RASGEF1C: variants seen among roughly 807,000 people sequenced by gnomAD.
The protein encoded by RASGEF1C is RasGEF domain family member 1C.
In RASGEF1C, 27 loss-of-function variants were observed where a neutral mutation model predicts 58.1. The observed-to-expected ratio is 0.46, with a 90% CI of 0.34 to 0.64. The LOEUF (loss-of-function observed/expected upper bound fraction) is 0.64. RASGEF1C is among the 30% of genes least tolerant of loss of function. The pLI, the probability that RASGEF1C is intolerant of heterozygous loss-of-function variation, is 0.01. For synonymous variants in RASGEF1C, 243 were observed against 246.3 expected (o/e 0.99, Z 0.13); for missense variants, 502 against 605.1 (o/e 0.83, Z 1.79).
At chr5:180,202,713 T>A (rs963624285) in intron 1 of RASGEF1C, among the ~76,000 whole-genome samples, 2 of 151,754 alleles carry the variant, frequency 1.3e-5, no homozygotes, top group Non-Finnish European at 2.9e-5. Flanking sequence ...TTTCTTTTTT[T>A]TTTTTTTTTG....
intron 1 of RASGEF1C, among the ~76,000 whole-genome samples, chr5:180,160,858 C>T (rs1331728447): frequency 6.6e-6 from 1 of 152,082 alleles, no homozygotes; most frequent in Non-Finnish European, 1.5e-5. Context: ...CACTTTCCTC[C>T]GAATGCTGAT....
intron 1 of RASGEF1C, among the ~76,000 whole-genome samples, chr5:180,201,350 T>C (rs188444525): frequency 6.6e-6 from 1 of 152,050 alleles, no homozygotes; most frequent in Non-Finnish European, 1.5e-5. Context: ...GAAGCAAAAG[T>C]GAATATTGTA....
chr5:180,205,240 T>TAACA (rs921274253), intron 1 of RASGEF1C, among the ~76,000 whole-genome samples: 1 of 151,472 alleles, frequency 6.6e-6, no homozygotes, highest in African/African-American at 2.4e-5. Context: ...ACAATAAAAC[T>TAACA]AACAATAAAA....
Position 180,130,982 on chromosome 5 carries a change from G to A in RASGEF1C, c.439-2372C>T, listed in dbSNP as rs535897440. Among the ~76,000 whole-genome samples the A allele has an allele frequency of 4.6e-5, 7 of 151,372 alleles. 1 individual carries two copies. The South Asian group carries it at 6.3e-4, about 14-fold the overall frequency. The stretch of plus-strand genomic sequence containing the variant: ...CAGGCTTGGTGCCATCCTCGACCCC[G>A]CCCTCTCCCTCATGCCCCTCTAGGC... On this transcript the variant is annotated intron_variant, in intron 4 of 13. Coordinates refer to ENST00000361132, the MANE Select transcript of RASGEF1C (RefSeq NM_175062.4).
At chr5:180,151,584 C>G (rs4700884) in intron 1 of RASGEF1C, among the ~76,000 whole-genome samples, 138,597 of 151,116 alleles carry the variant, frequency 0.92, 64,755 homozygotes, top group East Asian at 1. Context: ...GGATTAAAGA[C>G]TTAAATGTTA....
At chr5:180,207,410 C>A (rs1756507588) in intron 1 of RASGEF1C, among the ~76,000 whole-genome samples, 1 of 152,268 alleles carries the variant, frequency 6.6e-6, no homozygotes, top group African/African-American at 2.4e-5. Context: ...GGGTCCCACG[C>A]AAGGAACCAA....
intron 6 of RASGEF1C, among the ~76,000 whole-genome samples, chr5:180,126,489 G>T (rs193161456): frequency 6.6e-6 from 1 of 152,290 alleles, no homozygotes; most frequent in East Asian, 1.9e-4. Context: ...AGCATTCCTA[G>T]AGAGTGCTGA....
rs1766163224 is a variant in RASGEF1C, at chr5:180,121,277, C to G, written c.715-128G>C. The G allele has an allele frequency of 6.0e-6, 4 of 665,324 alleles. No individual in the cohort carries two copies. In the Admixed American group the frequency reaches 9.8e-5, roughly 16 times the overall value. 41.2% of individuals were successfully genotyped at this position (665,324 alleles called of 1,614,324 possible). A position where few individuals can be genotyped will look rare whatever the true frequency, so the allele number is the denominator to read the frequency against. Reference sequence around the variant, plus strand: ...AAACCCCCAAACCATCCAGAAATACCAAAGATTTGGTATGTACGCTTTCAG... The same window carrying G: ...AAACCCCCAAACCATCCAGAAATACGAAAGATTTGGTATGTACGCTTTCAG... On this transcript the variant is annotated intron_variant, in intron 6 of 13. Transcript: ENST00000361132.
At chr5:180,189,079 A>C (rs1355977757) in intron 1 of RASGEF1C, among the ~76,000 whole-genome samples, 3 of 152,240 alleles carry the variant, frequency 2.0e-5, no homozygotes, top group Non-Finnish European at 4.4e-5. Context: ...ACTATAATCA[A>C]TAGGTGATTC....
chr5:180,136,342 G>C (rs1051296903), intron 4 of RASGEF1C, 36 bp downstream of exon 4: 153 of 1,539,548 alleles, frequency 9.9e-5, no homozygotes, highest in Non-Finnish European at 1.3e-4. Flanking sequence ...GGACGGGAGG[G>C]ACCCAGGGTG....
At chr5:180,180,238 C>G (rs926198027) in intron 1 of RASGEF1C, among the ~76,000 whole-genome samples, 1 of 152,200 alleles carries the variant, frequency 6.6e-6, no homozygotes, top group Non-Finnish European at 1.5e-5. Context: ...TGCTTGAGTT[C>G]GACAAAGAGC....
At chr5:180,160,828 G>A (rs1010792223) in intron 1 of RASGEF1C, among the ~76,000 whole-genome samples, 6 of 152,092 alleles carry the variant, frequency 3.9e-5, no homozygotes, top group Admixed American at 2.6e-4. Flanking sequence ...TCATAAATGC[G>A]TCCTACAAGT....
At chr5:180,142,187 C>T (rs1172679591) in intron 1 of RASGEF1C, among the ~76,000 whole-genome samples, 1 of 152,028 alleles carries the variant, frequency 6.6e-6, no homozygotes, top group Non-Finnish European at 1.5e-5. Context: ...TCCATTTCTC[C>T]CTCTGTCTGC....
At chr5:180,126,677 A>T (rs548041846) in intron 6 of RASGEF1C, among the ~76,000 whole-genome samples, 1 of 152,302 alleles carries the variant, frequency 6.6e-6, no homozygotes, top group East Asian at 1.9e-4. Flanking sequence ...TTCTAGTTAT[A>T]GACGTTTCAT....
chr5:180,187,895 G>A (rs929587649), intron 1 of RASGEF1C, among the ~76,000 whole-genome samples: 2 of 152,176 alleles, frequency 1.3e-5, no homozygotes, highest in East Asian at 3.8e-4. Flanking sequence ...GTGTGTTGCT[G>A]GTGGGAATGT....
intron 1 of RASGEF1C, among the ~76,000 whole-genome samples, chr5:180,204,630 C>A (rs904084359): frequency 6.0e-5 from 9 of 151,248 alleles, no homozygotes; most frequent in Admixed American, 4.6e-4. Context: ...ATCTATCTAT[C>A]TATCTATCTA....
rs1030968847 is a variant in RASGEF1C at position 180,116,890 on chromosome 5, G to A, written c.1083+1719C>T. Reference sequence around the variant, plus strand: ...CACGAGCTTCAGAGCCAGACAGGCTGGAGTGTGATCCTGGCTCCGCCACCT... The same window carrying A: ...CACGAGCTTCAGAGCCAGACAGGCTAGAGTGTGATCCTGGCTCCGCCACCT... On this transcript the variant is annotated intron_variant, in intron 10 of 13. Coordinates refer to ENST00000361132, the MANE Select transcript of RASGEF1C (RefSeq NM_175062.4). 3.9e-4 allele frequency among the ~76,000 whole-genome samples: 60 copies of A among 152,388 alleles called. No individual in the cohort carries two copies. The Middle Eastern group carries it at 0.01, about 26-fold the overall frequency.
chr5:180,114,413 C>G, intron 11 of RASGEF1C, 33 bp downstream of exon 11: 1 of 1,601,456 alleles, frequency 6.2e-7, no homozygotes, highest in Non-Finnish European at 8.5e-7. Context: ...CCCGGCCTGT[C>G]TACCTCAGTG....
Position 180,137,816 on chromosome 5 carries a change from A to C in RASGEF1C, c.177+60T>G. 1 of 1,602,794 alleles carries C rather than the reference A, an allele frequency of 6.2e-7. No homozygotes were observed. The highest frequency in any genetic ancestry group is 8.5e-7 in the Non-Finnish European group (1 of 1,175,112). On this transcript the variant is annotated intron_variant, in intron 2 of 13. Coordinates refer to ENST00000361132, the MANE Select transcript of RASGEF1C (RefSeq NM_175062.4). The surrounding 1 kb of genome is among the most constrained non-coding windows in gnomAD (Gnocchi z 4.1). ...TGGCCCAAGGTCACGCCCAACCCTG[A>C]TGCCCCCCGTGCGTGGTGGAGGAGA...
Sources: allele counts gnomAD v4.1 joint callset (sites outside exome capture counted in the v4.1 genomes callset), GRCh38; gene constraint gnomAD v4.1.1; non-coding constraint Gnocchi (gnomAD v3.1); transcripts MANE v1.5; gene names NCBI Gene and HGNC (gene_info 2026-07-23, HGNC 2026-07-21).